The following CD109 variants were observed in gnomAD, a reference collection of about 807,000 sequenced individuals.
CD109 encodes CD109 molecule.
In CD109, 149 loss-of-function variants were observed where a neutral mutation model predicts 165.8. That is an observed-to-expected ratio of 0.90 (90% CI 0.79 to 1.03). CD109 has a LOEUF of 1.03. Among genes scored for constraint, CD109 ranks in the 50% least tolerant of loss-of-function variants. The pLI, the probability that CD109 is intolerant of heterozygous loss-of-function variation, is 0.00. For synonymous variants in CD109, 585 were observed against 592.1 expected (o/e 0.99, Z 0.18); for missense variants, 1,712 against 1,677.8 (o/e 1.02, Z -0.36).
chr6:73,812,399 G>A (rs1350677093), intron 29 of CD109, 129 bp downstream of exon 29: 3 of 598,590 alleles, frequency 5.0e-6, no homozygotes, highest in Non-Finnish European at 8.7e-6. Flanking sequence ...ACTTAAGCAA[G>A]ATATATCACT....
In CD109 at chr6:73,719,706, C is replaced by T. The variant is rs186801111; in HGVS notation, c.248-3545C>T. On this transcript the variant is annotated intron_variant, in intron 2 of 32. Coordinates refer to ENST00000287097, the MANE Select transcript of CD109 (RefSeq NM_133493.5). The stretch of plus-strand genomic sequence containing the variant: ...TTCTCAATTCCATCCCCCAACACCC[C>T]CGTATTGCAATGTTTAAATGTTTCA... Among the ~76,000 whole-genome samples, 771 of 152,282 alleles carry T rather than the reference C, an allele frequency of 5.1e-3. 4 individuals are homozygous for T. The highest frequency in any genetic ancestry group is 0.013 in the African/African-American group (542 of 41,540).
rs768086152 is a variant in CD109, at chr6:73,815,068, G to A, written c.3856G>A (p.Ala1286Thr). Reference sequence around the variant, plus strand: ...TCAAGAAGCCTTTGATTTAGATGTTGCTGTAAAAGAAAATAAAGATGATCT... The same window carrying A: ...TCAAGAAGCCTTTGATTTAGATGTTACTGTAAAAGAAAATAAAGATGATCT... ...QNQEAFDLDV[A>T]VKENKDDLNH... The change falls in exon 30 of 33, where the codon GCT becomes ACT. Residue 1286 changes from alanine to threonine, a missense_variant. By Grantham distance (58) the Ala-to-Thr change is moderately conservative. Transcript: ENST00000287097. The A allele has an allele frequency of 1.9e-6, 3 of 1,590,730 alleles. No individual in the cohort carries two copies. The highest frequency in any genetic ancestry group is 1.7e-6 in the Non-Finnish European group (2 of 1,171,846).
At chr6:73,739,430 T>A (rs1772673065) in intron 5 of CD109, among the ~76,000 whole-genome samples, 1 of 152,204 alleles carries the variant, frequency 6.6e-6, no homozygotes, top group Non-Finnish European at 1.5e-5. Context: ...CTTTTAGTAG[T>A]GAATAATAAC....
At chr6:73,820,632 AC>A in intron 32 of CD109, 69 bp downstream of exon 32, 1 of 935,454 alleles carries the variant, frequency 1.1e-6, no homozygotes, top group Non-Finnish European at 1.6e-6. Flanking sequence ...ATTGGAAGTG[AC>A]CACACATTGG....
the CD109 span, among the ~76,000 whole-genome samples, chr6:73,686,531 A>T: frequency 6.6e-6 from 1 of 152,212 alleles, no homozygotes; most frequent in Non-Finnish European, 1.5e-5. Context: ...GGCGGCATAT[A>T]GTATCTGAAT....
At chr6:73,681,151 G>T in the CD109 span, among the ~76,000 whole-genome samples, 1 of 152,076 alleles carries the variant, frequency 6.6e-6, no homozygotes, top group African/African-American at 2.4e-5. Flanking sequence ...TAAATCCATG[G>T]CTTTGTTCTA....
At position 73,714,419 on chromosome 6, in the gene CD109, C is replaced by T. The variant is rs1176383186; in HGVS notation, c.248-8832C>T. ...ACTGGCCCTGACTGCTTCTGAGCTG[C>T]CCTGGTGGATGCCTCTTTGGAGCCT... On this transcript the variant is annotated intron_variant, in intron 2 of 32. Coordinates refer to ENST00000287097, the MANE Select transcript of CD109 (RefSeq NM_133493.5). 3.3e-5 allele frequency among the ~76,000 whole-genome samples: 5 copies of T among 152,306 alleles called. No individual in the cohort carries two copies. The East Asian group carries it at 9.6e-4, about 29-fold the overall frequency.
chr6:73,740,632 G>A (rs1174328359), intron 5 of CD109, among the ~76,000 whole-genome samples: 2 of 141,436 alleles, frequency 1.4e-5, no homozygotes, highest in Non-Finnish European at 3.0e-5. Context: ...ACAGAGTCTC[G>A]CTCTTTTGCC....
rs1776320006 is a variant in CD109 at position 73,827,832 on chromosome 6, A to G, written c.*4199A>G. 6.6e-6 allele frequency: 1 copy of G among 152,468 alleles called. No individual in the cohort carries two copies. 9.4% of individuals were successfully genotyped at this position (152,468 alleles called of 1,614,324 possible). A position where few individuals can be genotyped will look rare whatever the true frequency, so the allele number is the denominator to read the frequency against. ...ATTGGTATACATGTGTCTCTGTAAT[A>G]GGGATAATATTGATATATCTGTTGC... On this transcript the variant is annotated 3_prime_UTR_variant, in exon 33 of 33. Coordinates refer to ENST00000287097, the MANE Select transcript of CD109 (RefSeq NM_133493.5).
chr6:73,716,605 G>T (rs7771917), intron 2 of CD109, among the ~76,000 whole-genome samples: 78,805 of 151,944 alleles, frequency 0.52, 20,932 homozygotes, highest in Non-Finnish European at 0.58. Context: ...TATTCAGATC[G>T]TTTTCCCATT....
At chr6:73,818,959 G>A (rs1776028286) in intron 31 of CD109, among the ~76,000 whole-genome samples, 1 of 152,156 alleles carries the variant, frequency 6.6e-6, no homozygotes, top group South Asian at 2.1e-4. Context: ...AGGCTCCTGA[G>A]TAGCTGGGAC....
chr6:73,787,321 C>G lies in CD109; in HGVS notation c.2425C>G (p.Leu809Val). ...TGCCACAGGCCACCAGCAGACCCTT[C>G]TGGTTCCCAGTGAGGATGGGGCAAC... is the stretch of plus-strand genomic sequence containing the variant. Reference protein sequence around the residue: ...INATGHQQTLLVPSEDGATVL... With the variant: ...INATGHQQTLVVPSEDGATVL... The change falls in exon 21 of 33, where the codon CTG (leucine) becomes GTG (valine). Residue 809 changes from leucine to valine, a missense_variant. Leu to Val is a conservative substitution (Grantham distance 32). Transcript: ENST00000287097. 3.7e-6 allele frequency: 6 copies of G among 1,614,102 alleles called. No homozygotes were observed. Among genetic ancestry groups the G allele is most frequent in the Non-Finnish European group, 5.1e-6 (6 of 1,179,952 alleles).
At chr6:73,802,257 ATGTGTG>A (rs533767572) in intron 23 of CD109, among the ~76,000 whole-genome samples, 4 of 100,388 alleles carry the variant, frequency 4.0e-5, no homozygotes, top group Admixed American at 2.6e-4. Flanking sequence ...GCATGTGTAT[ATGTGTG>A]TGTGTGTGTG....
At chr6:73,766,708 C>T (rs755455410) in intron 11 of CD109, 51 bp from the exon 12 acceptor site, 3 of 1,288,538 alleles carry the variant, frequency 2.3e-6, no homozygotes, top group Non-Finnish European at 3.3e-6. Flanking sequence ...CATCTTTTCT[C>T]AAGGTGTTAC....
chr6:73,714,730 C>T (rs775269212), intron 2 of CD109, among the ~76,000 whole-genome samples: 11 of 152,130 alleles, frequency 7.2e-5, no homozygotes, highest in African/African-American at 1.2e-4. Flanking sequence ...GAGTTAGCTC[C>T]GCTACTGCAG....
chr6:73,749,653 A>G (rs966299144), intron 5 of CD109, among the ~76,000 whole-genome samples: 4 of 152,230 alleles, frequency 2.6e-5, no homozygotes, highest in Non-Finnish European at 5.9e-5. Context: ...AGGACAAAGG[A>G]AACAAAATGT....
chr6:73,681,761 C>T, the CD109 span, among the ~76,000 whole-genome samples: 6 of 152,046 alleles, frequency 3.9e-5, no homozygotes, highest in African/African-American at 1.4e-4. Context: ...CACCACCACA[C>T]CTGGCTAATT....
At chr6:73,788,430 G>A (rs1328316588) in intron 21 of CD109, 38 bp from the exon 22 acceptor site, 1 of 1,585,844 alleles carries the variant, frequency 6.3e-7, no homozygotes, top group Admixed American at 1.8e-5. Context: ...AAACATGTGA[G>A]TAGAGACCAT....
upstream of CD109, among the ~76,000 whole-genome samples, chr6:73,691,216 A>G (rs1048333770): frequency 1.3e-5 from 2 of 152,172 alleles, no homozygotes; most frequent in African/African-American, 4.8e-5. Flanking sequence ...TAGAAAGGCA[A>G]CTAACTGCTC....
Sources: allele counts gnomAD v4.1 joint callset (sites outside exome capture counted in the v4.1 genomes callset), GRCh38; gene constraint gnomAD v4.1.1; transcripts MANE v1.5; gene names NCBI Gene and HGNC (gene_info 2026-07-23, HGNC 2026-07-21).